Variants in REL observed in about 807,000 individuals in gnomAD.
The protein encoded by REL is proto-oncogene c-Rel.
REL carries 15 observed loss-of-function variants against 45.9 expected under a neutral mutation model. The ratio of observed to expected loss-of-function variants is 0.33; its 90% confidence interval spans 0.22 to 0.50. The LOEUF is 0.50. REL is among the 20% of genes least tolerant of loss of function. The pLI, the probability that REL is intolerant of heterozygous loss-of-function variation, is 0.98. For missense variants in REL, 601 were observed against 715.2 expected, an observed-to-expected ratio of 0.84 and a Z score of 1.82; for synonymous variants, 239 against 242.1, an observed-to-expected ratio of 0.99 and a Z score of 0.12.
intron 4 of REL, among the ~76,000 whole-genome samples, chr2:60,906,127 GA>G (rs1172226125): frequency 6.6e-6 from 1 of 152,186 alleles, no homozygotes; most frequent in Non-Finnish European, 1.5e-5. Context: ...CATATCTTGT[GA>G]GACTTATTCA....
chr2:60,905,496 A>G (rs1673619475), intron 4 of REL, among the ~76,000 whole-genome samples: 2 of 152,206 alleles, frequency 1.3e-5, no homozygotes, highest in Non-Finnish European at 2.9e-5. Context: ...TTCAGGCCAC[A>G]CTTCCACTAA....
rs776656350 is a variant in REL, at chr2:60,891,695, C to T, written c.23C>T (p.Pro8Leu). MASGAYN[P>L]YIEIIEQPRQ... ...AAAAACTTTTCAGGTGCGTATAACC[C>T]GTATATAGAGATAATTGAACAACCC... Residue 8 changes from proline (P) to leucine (L), a missense_variant, in exon 2 of 10, where the codon CCG (proline) becomes CTG (leucine). This residue lies in a region of REL where 24 missense variants were observed against 18.2 expected (regional missense o/e 1.32). Transcript: ENST00000394479. 4 of 1,612,752 alleles carry T rather than the reference C, an allele frequency of 2.5e-6. No individual in the cohort carries two copies. The highest frequency in any genetic ancestry group is 2.5e-6 in the Non-Finnish European group (3 of 1,179,292).
chr2:60,887,159 C>G (rs1402846095), intron 1 of REL, among the ~76,000 whole-genome samples: 1 of 152,134 alleles, frequency 6.6e-6, no homozygotes, highest in Non-Finnish European at 1.5e-5. Flanking sequence ...GTGCAAAGCA[C>G]AGTACTGAGG....
chr2:60,900,813 C>T (rs566126895), intron 3 of REL, 179 bp from the exon 4 acceptor site: 17 of 552,512 alleles, frequency 3.1e-5, no homozygotes, highest in African/African-American at 1.4e-4. Context: ...ACAAGCCACG[C>T]GCCCAGCCAT....
intron 1 of REL, among the ~76,000 whole-genome samples, chr2:60,888,735 C>A (rs900163328): frequency 9.9e-5 from 15 of 152,142 alleles, no homozygotes; most frequent in Admixed American, 3.3e-4. Context: ...TACAGTAATA[C>A]TTTATTCAGT....
At chr2:60,907,627 G>A (rs1431615062) in intron 4 of REL, among the ~76,000 whole-genome samples, 2 of 151,744 alleles carry the variant, frequency 1.3e-5, no homozygotes, top group East Asian at 3.9e-4. Flanking sequence ...GTGAGACCCC[G>A]TATCAAAAAA....
chr2:60,921,387 G>A (rs1474995145), intron 9 of REL, among the ~76,000 whole-genome samples: 1 of 152,164 alleles, frequency 6.6e-6, no homozygotes, highest in African/African-American at 2.4e-5. Flanking sequence ...TAAAAGTGAA[G>A]AGTAAGAGAT....
chr2:60,911,113 T>C (rs1380513451), intron 4 of REL, among the ~76,000 whole-genome samples: 1 of 152,190 alleles, frequency 6.6e-6, no homozygotes, highest in African/African-American at 2.4e-5. Context: ...CTTTTACCAC[T>C]TGTATTCAAC....
intron 4 of REL, among the ~76,000 whole-genome samples, chr2:60,902,409 G>A (rs772011991): frequency 6.6e-5 from 10 of 151,930 alleles, no homozygotes; most frequent in Non-Finnish European, 1.3e-4. Flanking sequence ...TTATACATGT[G>A]TAGTTATATG....
At chr2:60,908,289 G>A (rs1449789759) in intron 4 of REL, among the ~76,000 whole-genome samples, 1 of 152,134 alleles carries the variant, frequency 6.6e-6, no homozygotes, top group Non-Finnish European at 1.5e-5. Flanking sequence ...TCTCAGCTAA[G>A]TGCCTTGAGC....
Position 60,926,940 on chromosome 2 carries a change from T to C in REL, c.*4405T>C, listed in dbSNP as rs1484338130. On this transcript the variant is annotated 3_prime_UTR_variant, in exon 10 of 10. Coordinates refer to ENST00000394479, the MANE Select transcript of REL (RefSeq NM_001291746.2). ...CCTATTCCTTATTACATAGCTAGCA[T>C]TCCTTGAAAAAAAACAATTCTCTCA... is the stretch of plus-strand genomic sequence containing the variant. 1 of 221,548 alleles carries C rather than the reference T, an allele frequency of 4.5e-6. No individual in the cohort carries two copies. Among genetic ancestry groups the C allele is most frequent in the East Asian group, 6.5e-5 (1 of 15,386 alleles). 13.7% of individuals were successfully genotyped at this position (221,548 alleles called of 1,614,324 possible).
At chr2:60,888,227 C>A (rs1673118360) in intron 1 of REL, among the ~76,000 whole-genome samples, 1 of 152,064 alleles carries the variant, frequency 6.6e-6, no homozygotes. Flanking sequence ...CCATGCCCAG[C>A]CTCAGTGAAA....
At chr2:60,908,188 T>C (rs1673714540) in intron 4 of REL, among the ~76,000 whole-genome samples, 1 of 152,326 alleles carries the variant, frequency 6.6e-6, no homozygotes, top group South Asian at 2.1e-4. Context: ...ATTAATTTCA[T>C]GCTACTTGTG....
intron 1 of REL, among the ~76,000 whole-genome samples, chr2:60,887,869 C>G (rs1673107923): frequency 6.6e-6 from 1 of 151,224 alleles, no homozygotes; most frequent in African/African-American, 2.4e-5. Flanking sequence ...TGTAAACAAT[C>G]TAAAGAAGTG....
chr2:60,881,820 G>T lies in REL; in HGVS notation c.-21G>T. 1 of 1,526,264 alleles carries T rather than the reference G, an allele frequency of 6.6e-7. No homozygotes were observed. The allele number at this position is 1,526,264 out of a possible 1,614,324, so 94.5% of individuals were successfully genotyped here. ...CCAGGACGCTGGGAGCTGCCTGCGGGAAGGTGCGGGGAGCGGAGCCATGGC... is the reference window on the plus strand; with the variant it reads ...CCAGGACGCTGGGAGCTGCCTGCGGTAAGGTGCGGGGAGCGGAGCCATGGC... On this transcript the variant is annotated 5_prime_UTR_variant, in exon 1 of 10. Transcript: ENST00000394479.
intron 4 of REL, among the ~76,000 whole-genome samples, chr2:60,905,392 C>A (rs1440444427): frequency 2.0e-5 from 3 of 152,144 alleles, no homozygotes; most frequent in Non-Finnish European, 2.9e-5. Context: ...CCACACCCAG[C>A]CTGTTTGCAA....
In REL at chr2:60,930,356, C is replaced by T. The variant is rs965223855; in HGVS notation, c.*7821C>T. 1.9e-4 allele frequency: 29 copies of T among 152,262 alleles called. No homozygotes were observed. The highest frequency in any genetic ancestry group is 6.5e-4 in the African/African-American group (27 of 41,426). 9.4% of individuals were successfully genotyped at this position (152,262 alleles called of 1,614,324 possible). A position where few individuals can be genotyped will look rare whatever the true frequency, so the allele number is the denominator to read the frequency against. The stretch of plus-strand genomic sequence containing the variant: ...TGGATTAGGTTCTTTAGTAAGAAAC[C>T]TGAGATGGACTTCTCATTAGCATTA... On this transcript the variant is annotated 3_prime_UTR_variant, in exon 10 of 10. Transcript: ENST00000394479.
Position 60,925,800 on chromosome 2 carries a change from C to A in REL, c.*3265C>A. 2 of 207,000 alleles carry A rather than the reference C, an allele frequency of 9.7e-6. No individual in the cohort carries two copies. The highest frequency in any genetic ancestry group is 2.3e-5 in the African/African-American group (1 of 43,738). 12.8% of individuals were successfully genotyped at this position (207,000 alleles called of 1,614,324 possible). A position where few individuals can be genotyped will look rare whatever the true frequency, so the allele number is the denominator to read the frequency against. On this transcript the variant is annotated 3_prime_UTR_variant, in exon 10 of 10. Transcript: ENST00000394479. ...AGCTGCATGGGTTTTTTTCTTTAAACTAATTAAGCGTTGGCTACTTAGTAT... is the reference window on the plus strand; with the variant it reads ...AGCTGCATGGGTTTTTTTCTTTAAAATAATTAAGCGTTGGCTACTTAGTAT...
rs1224142030 is a variant in REL at position 60,923,075 on chromosome 2, T to C, written c.*540T>C. 5.6e-6 allele frequency: 1 copy of C among 177,078 alleles called. No individual in the cohort carries two copies. Among genetic ancestry groups the C allele is most frequent in the Non-Finnish European group, 1.2e-5 (1 of 82,468 alleles). 11.0% of individuals were successfully genotyped at this position (177,078 alleles called of 1,614,324 possible). On this transcript the variant is annotated 3_prime_UTR_variant, in exon 10 of 10. Coordinates refer to ENST00000394479, the MANE Select transcript of REL (RefSeq NM_001291746.2). ...AAAAAAACAAAAAAAACACACTTTT[T>C]TATATTTCTTTTTATAATGTTTTAA...
Sources: allele counts gnomAD v4.1 joint callset (sites outside exome capture counted in the v4.1 genomes callset), GRCh38; gene constraint gnomAD v4.1.1; regional missense constraint gnomAD v4.1.1; transcripts MANE v1.5; gene names NCBI Gene and HGNC (gene_info 2026-07-23, HGNC 2026-07-21).